Variants in ZFP57 observed in about 807,000 individuals in gnomAD.
ZFP57 encodes ZFP57 zinc finger protein.
Under a neutral mutation model 15.8 loss-of-function variants are expected in ZFP57, and 12 were observed. That is an observed-to-expected ratio of 0.76 (90% CI 0.49 to 1.23). The LOEUF is 1.23. ZFP57 is among the 50% of genes most tolerant of loss of function. The pLI is 0.00. For missense variants in ZFP57, 536 were observed against 654.9 expected, an observed-to-expected ratio of 0.82 and a Z score of 1.98; for synonymous variants, 203 against 242.3, an observed-to-expected ratio of 0.84 and a Z score of 1.51.
chr6:29,675,354 T>G, intron 4 of ZFP57, 32 bp downstream of exon 4: 1 of 1,533,856 alleles, frequency 6.5e-7, no homozygotes, highest in African/African-American at 1.4e-5. Context: ...CCTGGGCCCT[T>G]TTCCCCTTCC....
chr6:29,678,794 G>T (rs1772195155), intron 1 of ZFP57, among the ~76,000 whole-genome samples: 1 of 152,110 alleles, frequency 6.6e-6, no homozygotes, highest in African/African-American at 2.4e-5. Context: ...GTATCCACTG[G>T]GGTGGGGCGC....
At chr6:29,675,613 G>A (rs1391681010) in intron 3 of ZFP57, 126 bp from the exon 4 acceptor site, 1 of 852,116 alleles carries the variant, frequency 1.2e-6, no homozygotes, top group African/African-American at 1.7e-5. Flanking sequence ...TGTAGATGCG[G>A]AAAGGAGACA....
rs1772050163 is a variant in ZFP57 at position 29,676,039 on chromosome 6, A to G, written c.144T>C (p.Asp48=). ...CTTCCTGGGTGAAATTCACTGCCAC[A>G]TCCTCAAAGGTGACTGGCTTCTGGA... is the stretch of plus-strand genomic sequence containing the variant. The part of the protein sequence containing the change: ...RVKKKPVTFE[D]VAVNFTQEEW... Residue 48 remains aspartate, a synonymous_variant, in exon 3 of 5, where the codon GAT becomes GAC. Coordinates refer to ENST00000376883, the MANE Select transcript of ZFP57 (RefSeq NM_001109809.5). The G allele has an allele frequency of 6.2e-7, 1 of 1,612,724 alleles. No individual in the cohort carries two copies. The highest frequency in any genetic ancestry group is 8.5e-7 in the Non-Finnish European group (1 of 1,179,920).
intron 4 of ZFP57, among the ~76,000 whole-genome samples, chr6:29,674,221 A>C (rs72831530): frequency 4.1e-5 from 4 of 97,978 alleles, no homozygotes; most frequent in South Asian, 3.2e-4. Context: ...AAGAAGAAGA[A>C]GAAGACGAAG....
rs893438668 is a variant in ZFP57, at chr6:29,673,230, G to A, written c.881C>T (p.Thr294Ile). Residue 294 changes from threonine (T) to isoleucine (I), a missense_variant, in exon 5 of 5, where the codon ACT becomes ATT. Physicochemically the swap from Thr to Ile is moderately conservative, Grantham distance 89. Coordinates refer to ENST00000376883, the MANE Select transcript of ZFP57 (RefSeq NM_001109809.5). The surrounding 1 kb of genome is among the most constrained non-coding windows in gnomAD (Gnocchi z 4.7). Reference sequence around the variant, plus strand: ...AGCCTGGGTGCCTGGAATCCTCAAAGTACACTCCTGGTTTCCATCCACTGG... The same window carrying A: ...AGCCTGGGTGCCTGGAATCCTCAAAATACACTCCTGGTTTCCATCCACTGG... ...QEPVDGNQEC[T>I]LRIPGTQAEF... 7.4e-6 allele frequency: 12 copies of A among 1,613,070 alleles called. No individual in the cohort carries two copies. Among genetic ancestry groups the A allele is most frequent in the East Asian group, 2.2e-5 (1 of 44,880 alleles).
rs781684257 is a variant in ZFP57, at chr6:29,673,114, T to A, written c.997A>T (p.Ile333Leu). The change falls in exon 5 of 5, where the codon ATA (isoleucine) becomes TTA (leucine). Residue 333 changes from isoleucine (I) to leucine (L), a missense_variant. Coordinates refer to ENST00000376883, the MANE Select transcript of ZFP57 (RefSeq NM_001109809.5). The surrounding 1 kb of genome is among the most constrained non-coding windows in gnomAD (Gnocchi z 4.7). ...GCCATAGGACCCTCAGTTCTAAATA[T>A]GGGTTCCTGGGACCTGGCCACTGGT... ...HAPVARSQEP[I>L]FRTEGPMAQN... 3.7e-6 allele frequency: 6 copies of A among 1,612,928 alleles called. No homozygotes were observed. The South Asian group carries it at 6.6e-5, about 18-fold the overall frequency.
rs1483388046 is a variant in ZFP57 at position 29,676,553 on chromosome 6, A to AG, written c.123+327_123+328insC. 1.3e-3 allele frequency among the ~76,000 whole-genome samples: 177 copies of AG among 140,628 alleles called. 3 individuals are homozygous for AG. The highest frequency in any genetic ancestry group is 3.0e-3 in the East Asian group (13 of 4,288). 92.3% of individuals were successfully genotyped at this position (140,628 alleles called of 152,430 possible). A position where few individuals can be genotyped will look rare whatever the true frequency, so the allele number is the denominator to read the frequency against. On this transcript the variant is annotated intron_variant, in intron 2 of 4. Coordinates refer to ENST00000376883, the MANE Select transcript of ZFP57 (RefSeq NM_001109809.5). Reference sequence around the variant, plus strand: ...TCCGTCTCAAAAAAAAAAAAAAGAAAAAAAAAAAAAGGAAAGGAAAGATGA... The same window carrying AG: ...TCCGTCTCAAAAAAAAAAAAAAGAAAGAAAAAAAAAAGGAAAGGAAAGATGA...
chr6:29,677,312 AC>A lies in ZFP57; in HGVS notation c.-310del. The A allele has an allele frequency of 1.1e-5, 5 of 458,238 alleles. No homozygotes were observed. The highest frequency in any genetic ancestry group is 2.0e-5 in the Non-Finnish European group (5 of 247,590). The allele number at this position is 458,238 out of a possible 1,614,324, so 28.4% of individuals were successfully genotyped here. ...GCTCACCAGCTGCCATTGTTTAGTA[AC>A]AACACCAGCCTGGGCTAGGTGTCTG... On this transcript the variant is annotated 5_prime_UTR_variant, in exon 2 of 5. Coordinates refer to ENST00000376883, the MANE Select transcript of ZFP57 (RefSeq NM_001109809.5).
chr6:29,673,744 C>CT lies in ZFP57; in HGVS notation c.366dup (p.Glu123ArgfsTer12). On this transcript the variant is annotated frameshift_variant, in exon 5 of 5. Coordinates refer to ENST00000376883, the MANE Select transcript of ZFP57 (RefSeq NM_001109809.5). LOFTEE classifies it low-confidence loss of function (END_TRUNC). The surrounding 1 kb of genome is among the most constrained non-coding windows in gnomAD (Gnocchi z 4.7). ...AGACTGGGATGTTGTTCTCGAAGCTCTTTCTTCTTGCCTTCTACAGTGAAT... is the reference window on the plus strand; with the variant it reads ...AGACTGGGATGTTGTTCTCGAAGCTCTTTTCTTCTTGCCTTCTACAGTGAAT... 6.2e-7 allele frequency: 1 copy of CT among 1,613,024 alleles called. No individual in the cohort carries two copies. Among genetic ancestry groups the CT allele is most frequent in the Non-Finnish European group, 8.5e-7 (1 of 1,180,048 alleles).
chr6:29,673,276 T>G lies in ZFP57; in HGVS notation c.835A>C (p.Lys279Gln). Residue 279 changes from lysine (K) to glutamine (Q), a missense_variant, in exon 5 of 5, where the codon AAG becomes CAG. Physicochemically the swap from Lys to Gln is moderately conservative, Grantham distance 53. Coordinates refer to ENST00000376883, the MANE Select transcript of ZFP57 (RefSeq NM_001109809.5). This position sits in a 1 kb window ranked among gnomAD's most constrained non-coding sequence, Gnocchi z 4.7. ...RDQSELKRHQ[K>Q]IHQNQEPVDG... ...ACTGGCTCCTGGTTTTGGTGTATCT[T>G]CTGGTGGCGTTTGAGCTCAGACTGG... 6.2e-7 allele frequency: 1 copy of G among 1,613,056 alleles called. No individual in the cohort carries two copies. The highest frequency in any genetic ancestry group is 8.5e-7 in the Non-Finnish European group (1 of 1,180,034).
At chr6:29,675,609 T>G (rs1364453866) in intron 3 of ZFP57, 122 bp from the exon 4 acceptor site, 1 of 871,010 alleles carries the variant, frequency 1.1e-6, no homozygotes, top group Admixed American at 1.7e-5. Flanking sequence ...GACATGTAGA[T>G]GCGGAAAGGA....
intron 1 of ZFP57, among the ~76,000 whole-genome samples, chr6:29,679,958 G>T (rs559896969): frequency 1.1e-4 from 17 of 152,080 alleles, no homozygotes; most frequent in Non-Finnish European, 2.4e-4. Context: ...TGGCCTTCCA[G>T]TTCTCTGGCA....
chr6:29,673,497 C>T lies in ZFP57; in HGVS notation c.614G>A (p.Cys205Tyr). 6.2e-7 allele frequency: 1 copy of T among 1,613,124 alleles called. No individual in the cohort carries two copies. Among genetic ancestry groups the T allele is most frequent in the Non-Finnish European group, 8.5e-7 (1 of 1,180,046 alleles). The change falls in exon 5 of 5, where the codon TGC becomes TAC. Residue 205 changes from cysteine to tyrosine, a missense_variant. Physicochemically the swap from Cys to Tyr is radical, Grantham distance 194. Coordinates refer to ENST00000376883, the MANE Select transcript of ZFP57 (RefSeq NM_001109809.5). The surrounding 1 kb of genome is among the most constrained non-coding windows in gnomAD (Gnocchi z 4.7). Reference protein sequence around the residue: ...FVHNPKLTNSCSQCGKLFRSP... With the variant: ...FVHNPKLTNSYSQCGKLFRSP... ...CCGAAACAACTTCCCACACTGACTG[C>T]AGCTGTTAGTCAGCTTGGGATTGTG...
At position 29,673,187 on chromosome 6, in the gene ZFP57, G is replaced by A. The variant is rs1262586492; in HGVS notation, c.924C>T (p.Ile308=). The change falls in exon 5 of 5, where the codon ATC becomes ATT. Residue 308 remains isoleucine (I), a synonymous_variant. Coordinates refer to ENST00000376883, the MANE Select transcript of ZFP57 (RefSeq NM_001109809.5). This position sits in a 1 kb window ranked among gnomAD's most constrained non-coding sequence, Gnocchi z 4.7. Reference sequence around the variant, plus strand: ...CCTGGATGGACCTCTGGCTTCTGGCGATGGGTGTCTGGAATTCAGCCTGGG... The same window carrying A: ...CCTGGATGGACCTCTGGCTTCTGGCAATGGGTGTCTGGAATTCAGCCTGGG... ...PGTQAEFQTP[I]ARSQRSIQGL... The A allele has an allele frequency of 8.7e-6, 14 of 1,612,820 alleles. No individual in the cohort carries two copies. Among genetic ancestry groups the A allele is most frequent in the Middle Eastern group, 1.6e-4 (1 of 6,084 alleles).
chr6:29,676,095 AATAT>A (rs371757503), intron 2 of ZFP57, 36 bp from the exon 3 acceptor site: 67,542 of 1,463,126 alleles, frequency 0.046, 5,445 homozygotes, highest in Non-Finnish European at 0.054. Flanking sequence ...AGTTTATATA[AATAT>A]ATATGTGTGT....
chr6:29,676,535 C>CA (rs376004982), intron 2 of ZFP57, among the ~76,000 whole-genome samples: 16,149 of 61,590 alleles, frequency 0.26, 1,216 homozygotes, highest in Admixed American at 0.32. Flanking sequence ...GACTCCGTCT[C>CA]AAAAAAAAAA....
rs764874679 is a variant in ZFP57, at chr6:29,672,947, A to C, written c.1164T>G (p.His388Gln). 1 of 1,613,048 alleles carries C rather than the reference A, an allele frequency of 6.2e-7. No individual in the cohort carries two copies. The highest frequency in any genetic ancestry group is 1.1e-5 in the South Asian group (1 of 91,076). ...ATTTCTTGCTAAAAGTCAAAGAACA[A>C]TGGGGGCAACAGAAGACATTGAGTC... The part of the protein sequence containing the change: ...PSRLNVFCCP[H>Q]CSLTFSKKSY... The change falls in exon 5 of 5, where the codon CAT becomes CAG. Residue 388 changes from histidine (H) to glutamine (Q), a missense_variant. Coordinates refer to ENST00000376883, the MANE Select transcript of ZFP57 (RefSeq NM_001109809.5).
intron 2 of ZFP57, among the ~76,000 whole-genome samples, chr6:29,676,535 C>CAAAAAAAAAAAAAAAAA (rs376004982): frequency 1.6e-5 from 1 of 62,562 alleles, no homozygotes. Flanking sequence ...GACTCCGTCT[C>CAAAAAAAAAAAAAAAAA]AAAAAAAAAA....
In ZFP57 at chr6:29,673,628, G is replaced by C. The variant is rs776081525; in HGVS notation, c.483C>G (p.Asp161Glu). The C allele has an allele frequency of 3.7e-6, 6 of 1,612,888 alleles. No homozygotes were observed. The highest frequency in any genetic ancestry group is 5.1e-6 in the Non-Finnish European group (6 of 1,179,926). ...GGGATGCTTGAAGCACCCGGGTCCT[G>C]TCCATAGTCCCAGCTGGGGCAGATA... ...CPLSAPAGTM[D>E]RTRVLQASQA... The change falls in exon 5 of 5, where the codon GAC (aspartate) becomes GAG (glutamate). Residue 161 changes from aspartate (D) to glutamate (E), a missense_variant. Transcript: ENST00000376883. The surrounding 1 kb of genome is among the most constrained non-coding windows in gnomAD (Gnocchi z 4.7).
Sources: gnomAD v4.1 joint callset for allele counts (sites outside exome capture counted in the v4.1 genomes callset) on GRCh38, gnomAD v4.1.1 for gene constraint, Gnocchi (gnomAD v3.1) non-coding constraint, MANE v1.5 for transcripts, NCBI Gene and HGNC (gene_info 2026-07-23, HGNC 2026-07-21) for gene names.